ATM: variants seen among roughly 807,000 people sequenced by gnomAD.
ATM encodes serine-protein kinase ATM.
Under a neutral mutation model 387.0 loss-of-function variants are expected in ATM, and 308 were observed. That is an observed-to-expected ratio of 0.80 (90% CI 0.73 to 0.87). The LOEUF (loss-of-function observed/expected upper bound fraction) is 0.87, where lower values mean the gene tolerates loss of function less well. Ranked by LOEUF, ATM falls within the 40% of genes least tolerant of loss-of-function variation. ATM has a pLI of 0.00. For synonymous variants in ATM, 1,156 were observed against 1,187.3 expected (o/e 0.97, Z 0.54); for missense variants, 3,312 against 3,560.9 (o/e 0.93, Z 1.78).
chr11:108,233,798 A>G (rs228594), intron 4 of ATM, among the ~76,000 whole-genome samples: 92,740 of 151,638 alleles, frequency 0.61, 28,594 homozygotes, highest in Middle Eastern at 0.76. Context: ...AGTGAGTCAT[A>G]ATGGGGCCAC....
chr11:108,260,686 C>A (rs143856940), intron 16 of ATM, among the ~76,000 whole-genome samples: 4 of 152,158 alleles, frequency 2.6e-5, no homozygotes, highest in Admixed American at 2.6e-4. Flanking sequence ...CCAGCGTGAA[C>A]GACGCAGAAG....
chr11:108,359,806 G>C (rs1275101540), intron 61 of ATM, among the ~76,000 whole-genome samples: 1 of 152,120 alleles, frequency 6.6e-6, no homozygotes, highest in Admixed American at 6.5e-5. Context: ...AGTGTGTAGA[G>C]GGAAATTTAT....
In ATM at chr11:108,310,160, A is replaced by G. The variant is rs1057523784; in HGVS notation, c.5763A>G (p.Arg1921=). 6 of 1,612,922 alleles carry G rather than the reference A, an allele frequency of 3.7e-6. No homozygotes were observed. Among genetic ancestry groups the G allele is most frequent in the Non-Finnish European group, 5.1e-6 (6 of 1,179,338 alleles). Residue 1921 remains arginine, a splice_region_variant and synonymous_variant, in exon 39 of 63, where the codon AGA becomes AGG. Transcript: ENST00000675843. ...GACATTATATCTCATTTTTCTTTAG[A>G]CCTTCTTCAGGAACAATTTTTAATG... is the stretch of plus-strand genomic sequence containing the variant. The part of the protein sequence containing the change: ...AVVDYMRRQK[R]PSSGTIFNDA...
chr11:108,333,766 C>T, intron 53 of ATM, 120 bp from the exon 54 acceptor site: 2 of 835,436 alleles, frequency 2.4e-6, no homozygotes, highest in Non-Finnish European at 4.1e-6. Context: ...ATTTCTCAAT[C>T]AGAGCCTGAA....
intron 13 of ATM, among the ~76,000 whole-genome samples, chr11:108,255,494 C>T (rs1462844323): frequency 1.4e-5 from 2 of 143,992 alleles, no homozygotes; most frequent in Non-Finnish European, 3.0e-5. Context: ...GGCCTGATCT[C>T]GGCTCATTGC....
intron 15 of ATM, among the ~76,000 whole-genome samples, chr11:108,258,081 T>A (rs1365088918): frequency 6.6e-6 from 1 of 152,046 alleles, no homozygotes; most frequent in African/African-American, 2.4e-5. Flanking sequence ...ATTTTTGTAA[T>A]TTTTTGTATT....
chr11:108,349,842 G>C (rs1006752675), intron 59 of ATM, among the ~76,000 whole-genome samples: 3 of 152,116 alleles, frequency 2.0e-5, no homozygotes, highest in African/African-American at 7.2e-5. Context: ...AATAGCAAGG[G>C]AAATCATAAA....
At chr11:108,271,459 G>A (rs916300036) in intron 20 of ATM, 53 bp downstream of exon 20, 4 of 1,595,752 alleles carry the variant, frequency 2.5e-6, no homozygotes, top group Non-Finnish European at 2.6e-6. Context: ...CTGTGGATAC[G>A]AATGCAAGTT....
chr11:108,239,242 CA>C (rs1386491133), intron 5 of ATM, among the ~76,000 whole-genome samples: 1 of 152,198 alleles, frequency 6.6e-6, no homozygotes, highest in Non-Finnish European at 1.5e-5. Flanking sequence ...CAGTAGTCTG[CA>C]GCCCCAAAGA....
rs1057522326 is a variant in ATM at position 108,284,293 on chromosome 11, T to C, written c.3813T>C (p.Ile1271=). 3 of 1,613,752 alleles carry C rather than the reference T, an allele frequency of 1.9e-6. No individual in the cohort carries two copies. The South Asian group carries it at 3.3e-5, about 18-fold the overall frequency. ...GTCATTTTGATGAGGTGAAGTCCAT[T>C]GCTAATCAGATTCAAGAGGACTGGA... ...IRSHFDEVKS[I]ANQIQEDWKS... is the part of the protein sequence containing the mutation. Residue 1271 remains isoleucine (I), a synonymous_variant, in exon 26 of 63, where the codon ATT becomes ATC. Coordinates refer to ENST00000675843, the MANE Select transcript of ATM (RefSeq NM_000051.4).
At chr11:108,307,857 A>G in intron 37 of ATM, 40 bp from the exon 38 acceptor site, 1 of 1,542,132 alleles carries the variant, frequency 6.5e-7, no homozygotes, top group Non-Finnish European at 9.0e-7. Flanking sequence ...TGTGTAAGCA[A>G]GAATGCCTGG....
intron 56 of ATM, among the ~76,000 whole-genome samples, chr11:108,341,839 T>C (rs1045419431): frequency 2.0e-5 from 3 of 152,228 alleles, no homozygotes; most frequent in African/African-American, 2.4e-5. Flanking sequence ...ATATTAAGTA[T>C]TGCGAAAGTT....
intron 16 of ATM, among the ~76,000 whole-genome samples, chr11:108,264,394 C>G (rs2081090985): frequency 6.6e-6 from 1 of 152,080 alleles, no homozygotes; most frequent in African/African-American, 2.4e-5. Context: ...ATGATTATCT[C>G]AATAGATGCA....
At chr11:108,247,188 G>A (rs2079897395) in intron 8 of ATM, 61 bp downstream of exon 8, 2 of 1,565,526 alleles carry the variant, frequency 1.3e-6, no homozygotes, top group Admixed American at 1.7e-5. Context: ...TTTAAACTGG[G>A]CATTTTGGGC....
At chr11:108,316,244 A>G (rs1006367755) in intron 42 of ATM, 131 bp downstream of exon 42, 7 of 951,904 alleles carry the variant, frequency 7.4e-6, no homozygotes, top group African/African-American at 6.5e-5. Flanking sequence ...TTTTCAGAGG[A>G]TTAGGCTAAA....
At position 108,365,541 on chromosome 11, in the gene ATM, C is replaced by T; in HGVS notation, c.*33C>T. The T allele has an allele frequency of 6.2e-7, 1 of 1,604,020 alleles. No individual in the cohort carries two copies. The highest frequency in any genetic ancestry group is 1.1e-5 in the South Asian group (1 of 90,104). On this transcript the variant is annotated 3_prime_UTR_variant, in exon 63 of 63. Coordinates refer to ENST00000675843, the MANE Select transcript of ATM (RefSeq NM_000051.4). ...TATATGAATTACCCTTTCATTCAGC[C>T]TTTAGAAATTATATTTTAGCCTTTA...
intron 16 of ATM, among the ~76,000 whole-genome samples, chr11:108,262,277 C>G (rs141083542): frequency 6.6e-6 from 1 of 152,184 alleles, no homozygotes; most frequent in African/African-American, 2.4e-5. Flanking sequence ...AGACTAACAG[C>G]GGATCTCTCC....
chr11:108,243,490 G>C (rs1565368452), intron 5 of ATM, among the ~76,000 whole-genome samples: 1 of 152,010 alleles, frequency 6.6e-6, no homozygotes, highest in Non-Finnish European at 1.5e-5. Flanking sequence ...TTGTGCGCCT[G>C]TGGTCCCAGC....
At chr11:108,231,048 A>G (rs187432608) in intron 4 of ATM, 2 of 152,260 alleles carry the variant, frequency 1.3e-5, no homozygotes, top group East Asian at 3.9e-4. Context: ...GAGTGAAGCA[A>G]TTCTTGCTTA....
Sources: allele counts gnomAD v4.1 joint callset (sites outside exome capture counted in the v4.1 genomes callset), GRCh38; gene constraint gnomAD v4.1.1; transcripts MANE v1.5; gene names NCBI Gene and HGNC (gene_info 2026-07-23, HGNC 2026-07-21).